The following PCDH11X variants were observed in gnomAD, a reference collection of about 807,000 sequenced individuals.
PCDH11X encodes the protein protocadherin 11 X-linked.
A neutral mutation model predicts 53.3 loss-of-function variants in PCDH11X; 18 were observed. That is an observed-to-expected ratio of 0.34 (90% confidence interval 0.23 to 0.50). PCDH11X has a LOEUF of 0.50. PCDH11X is among the 20% of genes least tolerant of loss of function. PCDH11X has a pLI of 0.98. For missense variants in PCDH11X, 570 were observed against 1,032.4 expected (o/e 0.55, Z 6.14); for synonymous variants, 279 against 393.3 (o/e 0.71, Z 3.44).
chrX:91,801,093 T>C (rs1935918587), intron 1 of PCDH11X, among the ~76,000 whole-genome samples: 2 of 100,885 alleles, frequency 2.0e-5, no homozygotes, highest in African/African-American at 7.4e-5. Flanking sequence ...GGTGGGAGGA[T>C]TACTTGAGCC....
At chrX:91,900,846 A>G (rs1454373612) in intron 6 of PCDH11X, among the ~76,000 whole-genome samples, 5 of 111,691 alleles carry the variant, frequency 4.5e-5, no homozygotes, top group African/African-American at 1.6e-4. Flanking sequence ...CCATAAAACC[A>G]TGGGTTTTGT....
intron 1 of PCDH11X, among the ~76,000 whole-genome samples, chrX:91,780,739 G>T (rs1935105486): frequency 8.9e-6 from 1 of 112,815 alleles, no homozygotes; most frequent in South Asian, 3.6e-4. Context: ...AAAGCGAGCA[G>T]CCGCAAACGG....
chrX:92,156,283 T>G (rs1179856054), intron 6 of PCDH11X, among the ~76,000 whole-genome samples: 1 of 110,054 alleles, frequency 9.1e-6, no homozygotes, highest in Non-Finnish European at 1.9e-5. Context: ...TGTTGTCTCT[T>G]GAAGCTGCTG....
intron 6 of PCDH11X, among the ~76,000 whole-genome samples, chrX:92,106,198 GT>G (rs1369215667): frequency 9.4e-6 from 1 of 106,299 alleles, no homozygotes; most frequent in Non-Finnish European, 1.9e-5. Flanking sequence ...AAATGTTGCT[GT>G]TCTTGTTGGA....
At chrX:92,218,813 C>A (rs1230131489) in intron 7 of PCDH11X, among the ~76,000 whole-genome samples, 2 of 111,478 alleles carry the variant, frequency 1.8e-5, no homozygotes, top group East Asian at 2.8e-4. Context: ...TACTGGCAAA[C>A]CGAATCCAGC....
At chrX:92,265,458 TG>T (rs956380034) in intron 8 of PCDH11X, among the ~76,000 whole-genome samples, 10 of 111,031 alleles carry the variant, frequency 9.0e-5, no homozygotes, top group African/African-American at 3.3e-4. Context: ...TGGGCAACTG[TG>T]AAGTTTATTA....
chrX:92,129,412 G>T (rs1267561373), intron 6 of PCDH11X, among the ~76,000 whole-genome samples: 1 of 111,591 alleles, frequency 9.0e-6, no homozygotes, highest in Non-Finnish European at 1.9e-5. Context: ...CCAAAAAAGA[G>T]TCTCTTCCTT....
At chrX:91,941,142 G>A (rs1306164832) in intron 6 of PCDH11X, among the ~76,000 whole-genome samples, 1 of 110,750 alleles carries the variant, frequency 9.0e-6, no homozygotes, top group South Asian at 3.7e-4. Context: ...AGAGAAAGAA[G>A]AAAACAGGAA....
intron 9 of PCDH11X, among the ~76,000 whole-genome samples, chrX:92,427,361 A>G (rs1242110400): frequency 3.5e-5 from 3 of 86,600 alleles, no homozygotes; most frequent in African/African-American, 4.4e-5. Flanking sequence ...TAAATAAATC[A>G]AGATTTATTT....
chrX:92,019,659 T>G (rs766225381), intron 6 of PCDH11X, among the ~76,000 whole-genome samples: 1 of 111,820 alleles, frequency 8.9e-6, no homozygotes, highest in Non-Finnish European at 1.9e-5. Context: ...TTGAAGCTAA[T>G]GAGAAAAAAG....
intron 10 of PCDH11X, among the ~76,000 whole-genome samples, chrX:92,565,110 C>A (rs1210745388): frequency 9.1e-6 from 1 of 109,503 alleles, no homozygotes; most frequent in African/African-American, 3.3e-5. Flanking sequence ...TTTTAAATGT[C>A]AGGCAATGAC....
intron 6 of PCDH11X, among the ~76,000 whole-genome samples, chrX:92,127,678 G>C (rs2064893907): frequency 9.1e-6 from 1 of 109,345 alleles, no homozygotes; most frequent in Admixed American, 1.0e-4. Context: ...GTGCCACCAA[G>C]CCAGACTAAC....
At chrX:91,952,985 A>G (rs2061660086) in intron 6 of PCDH11X, among the ~76,000 whole-genome samples, 1 of 110,697 alleles carries the variant, frequency 9.0e-6, no homozygotes, top group Non-Finnish European at 1.9e-5. Flanking sequence ...TATTTGTGGG[A>G]TCTAAAAGTC....
intron 6 of PCDH11X, among the ~76,000 whole-genome samples, chrX:91,942,858 G>T (rs2061527725): frequency 9.0e-6 from 1 of 110,520 alleles, no homozygotes; most frequent in East Asian, 2.9e-4. Context: ...TACATCATTT[G>T]CAAGTGATGT....
At chrX:92,128,609 G>A (rs1427956013) in intron 6 of PCDH11X, among the ~76,000 whole-genome samples, 2 of 109,698 alleles carry the variant, frequency 1.8e-5, no homozygotes, top group Non-Finnish European at 3.8e-5. Context: ...ATGTAGGCCA[G>A]GTTGGTCTCA....
At chrX:92,502,387 C>T (rs375558459) in intron 10 of PCDH11X, among the ~76,000 whole-genome samples, 2 of 108,954 alleles carry the variant, frequency 1.8e-5, no homozygotes, top group South Asian at 4.0e-4. Context: ...AAATTCATAT[C>T]GAACTAAAAA....
At chrX:91,845,551 C>T (rs763876057) in intron 5 of PCDH11X, among the ~76,000 whole-genome samples, 3 of 110,507 alleles carry the variant, frequency 2.7e-5, no homozygotes, top group South Asian at 7.7e-4. Context: ...ACCTTTTTAA[C>T]TAGAAGTACT....
intron 6 of PCDH11X, among the ~76,000 whole-genome samples, chrX:91,994,678 A>T (rs755088829): frequency 7.4e-4 from 82 of 110,191 alleles, no homozygotes; most frequent in Non-Finnish European, 1.3e-3. Context: ...GGGATGGCTG[A>T]ATCACATTGT....
intron 8 of PCDH11X, among the ~76,000 whole-genome samples, chrX:92,345,889 G>GT (rs142226516): frequency 0.01 from 996 of 99,054 alleles, 5 homozygotes; most frequent in Non-Finnish European, 0.012. Flanking sequence ...GTTAGTACCT[G>GT]TTTTTTTTTT....
Sources: gnomAD v4.1 joint callset for allele counts (sites outside exome capture counted in the v4.1 genomes callset) on GRCh38, gnomAD v4.1.1 for gene constraint, MANE v1.5 for transcripts, NCBI Gene and HGNC (gene_info 2026-07-23, HGNC 2026-07-21) for gene names.